KLF8: variants seen among roughly 807,000 people sequenced by gnomAD.
KLF8 encodes KLF transcription factor 8.
KLF8 carries 10 observed loss-of-function variants against 18.2 expected under a neutral mutation model. The observed-to-expected ratio is 0.55, with a 90% CI of 0.34 to 0.93. The LOEUF (loss-of-function observed/expected upper bound fraction) is 0.93, where lower values mean the gene tolerates loss of function less well. KLF8 is among the 40% of genes least tolerant of loss of function. The pLI is 0.02. For synonymous variants in KLF8, 109 were observed against 97.3 expected (o/e 1.12, Z -0.71); for missense variants, 264 against 277.9 (o/e 0.95, Z 0.36).
At chrX:56,234,324 C>A (rs2147554314) in intron 1 of KLF8, among the ~76,000 whole-genome samples, 1 of 111,747 alleles carries the variant, frequency 8.9e-6, no homozygotes, top group Admixed American at 9.4e-5. Flanking sequence ...AGCTGCATCA[C>A]CCTGGGCCTT....
chrX:55,969,879 T>C, the KLF8 span, among the ~76,000 whole-genome samples: 30 of 111,272 alleles, frequency 2.7e-4, no homozygotes, highest in Non-Finnish European at 3.8e-5. Context: ...CGTATCTACA[T>C]TGAGAAAATT....
chrX:56,238,970 A>G lies in KLF8; in HGVS notation c.7+5629A>G, dbSNP rs781587968. Reference sequence around the variant, plus strand: ...GGACCCTTGCCTTCATGGAGTATGCAGTTTACTTTTCCTCTCGTCTGGATT... The same window carrying G: ...GGACCCTTGCCTTCATGGAGTATGCGGTTTACTTTTCCTCTCGTCTGGATT... On this transcript the variant is annotated intron_variant, in intron 1 of 5. Transcript: ENST00000468660. Among the ~76,000 whole-genome samples the G allele has an allele frequency of 4.5e-5, 5 of 111,416 alleles. No individual in the cohort carries two copies. The East Asian group carries it at 8.5e-4, about 19-fold the overall frequency.
At chrX:55,953,669 G>C in the KLF8 span, among the ~76,000 whole-genome samples, 1 of 110,761 alleles carries the variant, frequency 9.0e-6, no homozygotes, top group East Asian at 2.8e-4. Flanking sequence ...ATAATCCCAT[G>C]TGTCTATGGC....
the KLF8 span, among the ~76,000 whole-genome samples, chrX:56,066,395 C>G: frequency 8.9e-6 from 1 of 111,838 alleles, no homozygotes; most frequent in African/African-American, 3.3e-5. Context: ...ATGTGAGCAC[C>G]GACTATGGTA....
intron 2 of KLF8, among the ~76,000 whole-genome samples, chrX:56,255,957 G>A (rs1004238148): frequency 4.5e-5 from 5 of 111,505 alleles, no homozygotes; most frequent in African/African-American, 1.6e-4. Context: ...CAGTAGAATT[G>A]GTATGAGCTC....
chrX:55,936,891 G>A, the KLF8 span, among the ~76,000 whole-genome samples: 1 of 112,144 alleles, frequency 8.9e-6, no homozygotes, highest in African/African-American at 3.2e-5. Context: ...CTCGAACTGG[G>A]TGGAGCCCAC....
In KLF8 at chrX:56,286,515, A is replaced by C. The variant is rs1177346918; in HGVS notation, c.*2021A>C. ...TTGGTTGCAATATTTGTCTAATTTT[A>C]TATGTTTTCTTCAGGAAAACTTTAG... On this transcript the variant is annotated 3_prime_UTR_variant, in exon 6 of 6. Coordinates refer to ENST00000468660, the MANE Select transcript of KLF8 (RefSeq NM_007250.5). The C allele has an allele frequency of 8.9e-6, 1 of 112,423 alleles. No individual in the cohort carries two copies. The highest frequency in any genetic ancestry group is 3.2e-5 in the African/African-American group (1 of 30,940). 9.3% of individuals were successfully genotyped at this position (112,423 alleles called of 1,213,427 possible).
At chrX:56,270,650 G>A (rs1369555075) in intron 5 of KLF8, among the ~76,000 whole-genome samples, 1 of 110,948 alleles carries the variant, frequency 9.0e-6, no homozygotes, top group Non-Finnish European at 1.9e-5. Context: ...TTCTAATTGC[G>A]GAGTCAACAC....
chrX:56,124,586 A>G, the KLF8 span, among the ~76,000 whole-genome samples: 1 of 111,718 alleles, frequency 9.0e-6, no homozygotes, highest in Non-Finnish European at 1.9e-5. Context: ...AGAGAAGTCA[A>G]TGGAGTCTTC....
At chrX:55,972,985 T>C in the KLF8 span, among the ~76,000 whole-genome samples, 2 of 112,188 alleles carry the variant, frequency 1.8e-5, no homozygotes, top group African/African-American at 6.5e-5. Context: ...AATACAGTAA[T>C]TAAAACACCA....
the KLF8 span, among the ~76,000 whole-genome samples, chrX:56,173,520 A>T: frequency 1.8e-5 from 2 of 111,919 alleles, no homozygotes; most frequent in African/African-American, 6.5e-5. Context: ...TATAGTTTGA[A>T]GTCAGGTAGC....
chrX:56,029,598 G>A, the KLF8 span, among the ~76,000 whole-genome samples: 5 of 111,911 alleles, frequency 4.5e-5, no homozygotes, highest in African/African-American at 6.5e-5. Context: ...GGGCATTTGA[G>A]CTCGATCCCC....
the KLF8 span, among the ~76,000 whole-genome samples, chrX:56,099,994 G>C: frequency 9.0e-6 from 1 of 111,387 alleles, no homozygotes; most frequent in African/African-American, 3.3e-5. Context: ...GACAAAAGGA[G>C]CCTTATATTT....
the KLF8 span, among the ~76,000 whole-genome samples, chrX:56,074,150 T>C: frequency 3.6e-5 from 4 of 112,215 alleles, no homozygotes; most frequent in South Asian, 7.4e-4. Flanking sequence ...GTCTTTTTGT[T>C]ATTAAATTGT....
chrX:56,027,007 A>C, the KLF8 span, among the ~76,000 whole-genome samples: 1 of 112,674 alleles, frequency 8.9e-6, no homozygotes, highest in African/African-American at 3.2e-5. Flanking sequence ...AGAGCTGGCA[A>C]GTGTGAGATG....
At chrX:55,988,520 G>C in the KLF8 span, among the ~76,000 whole-genome samples, 1 of 111,091 alleles carries the variant, frequency 9.0e-6, no homozygotes, top group Non-Finnish European at 1.9e-5. Context: ...GTAGATATGC[G>C]GCATTATTTC....
the KLF8 span, among the ~76,000 whole-genome samples, chrX:55,938,681 T>C: frequency 2.7e-5 from 3 of 110,346 alleles, no homozygotes; most frequent in Non-Finnish European, 5.7e-5. Context: ...TGGAGGAAGA[T>C]CTACCAAGCA....
the KLF8 span, among the ~76,000 whole-genome samples, chrX:56,180,547 G>T: frequency 9.1e-6 from 1 of 110,431 alleles, no homozygotes; most frequent in Non-Finnish European, 1.9e-5. Context: ...TCTTTTAATT[G>T]TGATGTTAGG....
the KLF8 span, among the ~76,000 whole-genome samples, chrX:56,078,543 C>A: frequency 3.6e-5 from 4 of 111,782 alleles, no homozygotes; most frequent in Admixed American, 3.8e-4. Flanking sequence ...ATTCGTTTTG[C>A]CAGTATTTTA....
Sources: gnomAD v4.1 joint callset for allele counts (sites outside exome capture counted in the v4.1 genomes callset) on GRCh38, gnomAD v4.1.1 for gene constraint, MANE v1.5 for transcripts, NCBI Gene and HGNC (gene_info 2026-07-23, HGNC 2026-07-21) for gene names.